The following PLCB1 variants were observed in gnomAD, a reference collection of about 807,000 sequenced individuals.
PLCB1 encodes 1-phosphatidylinositol 4,5-bisphosphate phosphodiesterase beta-1.
PLCB1 carries 46 observed loss-of-function variants against 161.8 expected under a neutral mutation model. That is an observed-to-expected ratio of 0.28 (90% CI 0.22 to 0.36). The LOEUF (loss-of-function observed/expected upper bound fraction) is 0.36, where lower values mean the gene tolerates loss of function less well. PLCB1 is among the 10% of genes least tolerant of loss of function. The pLI is 1.00. For synonymous variants in PLCB1, 517 were observed against 503.7 expected, an observed-to-expected ratio of 1.03 and a Z score of -0.35; for missense variants, 1,016 against 1,472.5, an observed-to-expected ratio of 0.69 and a Z score of 5.07.
intron 2 of PLCB1, among the ~76,000 whole-genome samples, chr20:8,216,338 C>A (rs1393937816): frequency 1.3e-5 from 2 of 152,106 alleles, no homozygotes; most frequent in African/African-American, 2.4e-5. Flanking sequence ...ATGCTATGGT[C>A]ATTGTGGATC....
At chr20:8,469,002 T>A (rs1981935884) in intron 3 of PLCB1, among the ~76,000 whole-genome samples, 1 of 152,120 alleles carries the variant, frequency 6.6e-6, no homozygotes. Context: ...CCCCGTAGTG[T>A]CTGATTCAGC....
chr20:8,220,499 T>A (rs978484124), intron 2 of PLCB1, among the ~76,000 whole-genome samples: 2 of 152,152 alleles, frequency 1.3e-5, no homozygotes, highest in Non-Finnish European at 2.9e-5. Context: ...CAAAATCCTA[T>A]GTGGCATCCT....
chr20:8,764,106 G>A (rs1362238596), intron 25 of PLCB1, among the ~76,000 whole-genome samples: 1 of 152,116 alleles, frequency 6.6e-6, no homozygotes, highest in Non-Finnish European at 1.5e-5. Flanking sequence ...GGTGGAGGTT[G>A]CAGTGAGCTG....
chr20:8,566,270 A>G (rs748902116), intron 3 of PLCB1, among the ~76,000 whole-genome samples: 3 of 152,158 alleles, frequency 2.0e-5, no homozygotes, highest in African/African-American at 7.2e-5. Flanking sequence ...TATTAAAAAT[A>G]TTTGCTTAAT....
At chr20:8,282,370 G>A (rs1479311134) in intron 2 of PLCB1, among the ~76,000 whole-genome samples, 1 of 152,078 alleles carries the variant, frequency 6.6e-6, no homozygotes, top group African/African-American at 2.4e-5. Flanking sequence ...GTTAATCCTG[G>A]GCTAGGTCAC....
chr20:8,238,051 C>T (rs539714528), intron 2 of PLCB1, among the ~76,000 whole-genome samples: 1 of 152,122 alleles, frequency 6.6e-6, no homozygotes, highest in South Asian at 2.1e-4. Flanking sequence ...GTCTGAAACT[C>T]AACGAAATCT....
chr20:8,175,568 C>T (rs1048985004), intron 2 of PLCB1, among the ~76,000 whole-genome samples: 1 of 151,936 alleles, frequency 6.6e-6, no homozygotes, highest in African/African-American at 2.4e-5. Flanking sequence ...AACTGTAAAA[C>T]TTTTAGGAAA....
intron 9 of PLCB1, among the ~76,000 whole-genome samples, chr20:8,675,334 C>T (rs1299567469): frequency 3.3e-5 from 5 of 152,140 alleles, no homozygotes; most frequent in African/African-American, 1.2e-4. Context: ...CTCAAGCTTC[C>T]TCTGTGGCTC....
intron 2 of PLCB1, among the ~76,000 whole-genome samples, chr20:8,301,325 T>C (rs1983901658): frequency 6.6e-6 from 1 of 152,206 alleles, no homozygotes. Context: ...CATAATTTAA[T>C]AGTCAAATCA....
intron 27 of PLCB1, among the ~76,000 whole-genome samples, chr20:8,780,038 A>G (rs556471038): frequency 2.4e-4 from 37 of 152,354 alleles, no homozygotes; most frequent in African/African-American, 8.4e-4. Context: ...TGTAAACCCC[A>G]GGTAAGGACT....
chr20:8,666,747 C>A (rs1388971892), intron 9 of PLCB1, among the ~76,000 whole-genome samples: 1 of 152,126 alleles, frequency 6.6e-6, no homozygotes, highest in Non-Finnish European at 1.5e-5. Context: ...GCAGTGGTTT[C>A]CAAGCTGGTC....
intron 31 of PLCB1, among the ~76,000 whole-genome samples, chr20:8,852,401 C>T (rs936054054): frequency 6.6e-6 from 1 of 152,214 alleles, no homozygotes; most frequent in African/African-American, 2.4e-5. Context: ...ACAGAAACTA[C>T]TCTGAGTTAC....
intron 4 of PLCB1, among the ~76,000 whole-genome samples, chr20:8,629,827 TTC>T (rs1555777968): frequency 2.4e-4 from 17 of 69,736 alleles, no homozygotes; most frequent in African/African-American, 9.3e-4. Flanking sequence ...TTTTCTTTCT[TTC>T]TTTCTTTCTT....
chr20:8,529,121 T>C (rs1984698603), intron 3 of PLCB1, among the ~76,000 whole-genome samples: 1 of 152,054 alleles, frequency 6.6e-6, no homozygotes, highest in African/African-American at 2.4e-5. Context: ...TTTCATTCTA[T>C]TTCAAGAAAT....
rs558927413 is a variant in PLCB1, at chr20:8,220,734, G to T, written c.177+70363G>T. Among the ~76,000 whole-genome samples the T allele has an allele frequency of 5.0e-4, 76 of 152,304 alleles. 1 individual carries two copies. The South Asian group carries it at 0.015, about 30-fold the overall frequency. On this transcript the variant is annotated intron_variant, in intron 2 of 31. Transcript: ENST00000338037. ...ACTTCCAGCTTCCAGAACTGTGAGA[G>T]AATAAATGTCTGTTGTTCAAAGTCA... is the stretch of plus-strand genomic sequence containing the variant.
chr20:8,302,321 C>T (rs973534850), intron 2 of PLCB1, among the ~76,000 whole-genome samples: 1 of 152,136 alleles, frequency 6.6e-6, no homozygotes, highest in African/African-American at 2.4e-5. Flanking sequence ...TGGAGGAACA[C>T]AAGGCAATTT....
intron 31 of PLCB1, among the ~76,000 whole-genome samples, chr20:8,847,033 T>C (rs1158417281): frequency 6.6e-6 from 1 of 152,212 alleles, no homozygotes; most frequent in African/African-American, 2.4e-5. Flanking sequence ...TGTTTTGGTC[T>C]CAGCCCCAAA....
At chr20:8,664,820 A>G (rs1989768326) in intron 9 of PLCB1, among the ~76,000 whole-genome samples, 1 of 152,170 alleles carries the variant, frequency 6.6e-6, no homozygotes, top group Admixed American at 6.6e-5. Flanking sequence ...GACAGCCACC[A>G]GCAGCGCCAA....
chr20:8,263,930 C>G (rs1325402101), intron 2 of PLCB1, among the ~76,000 whole-genome samples: 1 of 152,024 alleles, frequency 6.6e-6, no homozygotes, highest in Non-Finnish European at 1.5e-5. Context: ...TATACTTAGG[C>G]TAAAATAAAT....
Sources: gnomAD v4.1 joint callset for allele counts (sites outside exome capture counted in the v4.1 genomes callset) on GRCh38, gnomAD v4.1.1 for gene constraint, MANE v1.5 for transcripts, NCBI Gene and HGNC (gene_info 2026-07-23, HGNC 2026-07-21) for gene names.